NNMT: variants seen among roughly 807,000 people sequenced by gnomAD.
The protein encoded by NNMT is nicotinamide N-methyltransferase.
NNMT carries 10 observed loss-of-function variants against 11.7 expected under a neutral mutation model. The observed-to-expected ratio is 0.85, with a 90% CI of 0.53 to 1.45. The LOEUF (loss-of-function observed/expected upper bound fraction) is 1.45. NNMT is among the 40% of genes most tolerant of loss of function. The pLI, the probability that NNMT is intolerant of heterozygous loss-of-function variation, is 0.00. For missense variants in NNMT, 381 were observed against 319.4 expected (o/e 1.19, Z -1.47); for synonymous variants, 143 against 133.8 (o/e 1.07, Z -0.48).
intron 2 of NNMT, among the ~76,000 whole-genome samples, chr11:114,267,541 AT>A (rs1354603227): frequency 6.6e-6 from 1 of 152,182 alleles, no homozygotes; most frequent in Non-Finnish European, 1.5e-5. Context: ...ATATTTTAAT[AT>A]TTTTAATGAA....
intron 2 of NNMT, among the ~76,000 whole-genome samples, chr11:114,286,659 A>T (rs1476594828): frequency 6.6e-6 from 1 of 152,170 alleles, no homozygotes; most frequent in Non-Finnish European, 1.5e-5. Context: ...GTTCATTTTC[A>T]TTGCTGTACA....
intron 2 of NNMT, among the ~76,000 whole-genome samples, chr11:114,278,611 CATGT>C (rs1177025383): frequency 2.3e-5 from 3 of 128,594 alleles, no homozygotes; most frequent in Middle Eastern, 3.9e-3. Context: ...ACCTAATACT[CATGT>C]GTGTGTGTGT....
upstream of NNMT, among the ~76,000 whole-genome samples, chr11:114,295,371 T>G (rs905218081): frequency 1.3e-5 from 2 of 150,502 alleles, no homozygotes; most frequent in Non-Finnish European, 3.0e-5. Flanking sequence ...CCAAGCCCCA[T>G]CCCTACTCTG....
At chr11:114,303,805 G>T (rs1435080626) in intron 2 of NNMT, among the ~76,000 whole-genome samples, 2 of 152,034 alleles carry the variant, frequency 1.3e-5, no homozygotes, top group East Asian at 3.9e-4. Flanking sequence ...TTGACCTCCT[G>T]GGCTCAGGTG....
chr11:114,303,317 T>A (rs1208552965), intron 2 of NNMT, among the ~76,000 whole-genome samples: 6 of 152,202 alleles, frequency 3.9e-5, no homozygotes, highest in Non-Finnish European at 8.8e-5. Context: ...ATTTAACAAT[T>A]TTTGATAACC....
chr11:114,293,771 A>G (rs147987113), upstream of NNMT, among the ~76,000 whole-genome samples: 4 of 152,196 alleles, frequency 2.6e-5, no homozygotes, highest in African/African-American at 7.2e-5. Context: ...TGACACAGCA[A>G]TCCTATTGCC....
intron 2 of NNMT, among the ~76,000 whole-genome samples, chr11:114,290,606 A>G (rs1945328183): frequency 6.6e-6 from 1 of 152,154 alleles, no homozygotes. Context: ...TTAACCACAC[A>G]AGGCATTATT....
At chr11:114,283,989 A>G (rs1440872210) in intron 2 of NNMT, among the ~76,000 whole-genome samples, 1 of 152,220 alleles carries the variant, frequency 6.6e-6, no homozygotes, top group Admixed American at 6.5e-5. Flanking sequence ...CGTTACAGTA[A>G]TTAGTAGGAA....
chr11:114,283,485 A>G (rs1945276516), intron 2 of NNMT, among the ~76,000 whole-genome samples: 1 of 152,240 alleles, frequency 6.6e-6, no homozygotes, highest in Non-Finnish European at 1.5e-5. Flanking sequence ...ATGGTTGTCT[A>G]TGAAAGGGAA....
At chr11:114,274,896 G>A (rs1253611598) in intron 2 of NNMT, among the ~76,000 whole-genome samples, 8 of 152,190 alleles carry the variant, frequency 5.3e-5, no homozygotes, top group Admixed American at 1.3e-4. Context: ...GGTCTCCTGA[G>A]GTGACCTCTC....
chr11:114,291,574 G>A (rs961480385), upstream of NNMT, among the ~76,000 whole-genome samples: 3 of 152,102 alleles, frequency 2.0e-5, no homozygotes, highest in East Asian at 1.9e-4. Flanking sequence ...CAATCTTGGC[G>A]ATGGTTGTCT....
chr11:114,265,104 C>G (rs1179048207), intron 2 of NNMT, among the ~76,000 whole-genome samples: 1 of 152,202 alleles, frequency 6.6e-6, no homozygotes, highest in African/African-American at 2.4e-5. Flanking sequence ...CTGCCTTGGT[C>G]TTTCCAGCAA....
chr11:114,295,563 T>C (rs1401951483), upstream of NNMT, among the ~76,000 whole-genome samples: 2 of 151,388 alleles, frequency 1.3e-5, no homozygotes, highest in African/African-American at 4.9e-5. Context: ...TAGCTGGGAC[T>C]GCAGGTGCCT....
intron 2 of NNMT, among the ~76,000 whole-genome samples, chr11:114,273,378 C>T (rs1193360338): frequency 6.6e-6 from 1 of 152,160 alleles, no homozygotes; most frequent in African/African-American, 2.4e-5. Flanking sequence ...TTGGAAGCCC[C>T]TTGCCAGAGT....
In NNMT at chr11:114,290,456, G is replaced by A. The variant is rs1048438550; in HGVS notation, c.-129-5972G>A. On this transcript the variant is annotated intron_variant, in intron 2 of 4. Transcript: ENST00000535401. ...TTATTTTGTGGTGTCTAAAATTGGA[G>A]TGTAAGTATTTTATTTTGGATCCCA... is the stretch of plus-strand genomic sequence containing the variant. 2.0e-5 allele frequency among the ~76,000 whole-genome samples: 3 copies of A among 152,190 alleles called. No individual in the cohort carries two copies. The East Asian group carries it at 5.8e-4, about 29-fold the overall frequency.
chr11:114,307,756 G>A (rs1326612544), intron 2 of NNMT, among the ~76,000 whole-genome samples: 2 of 151,858 alleles, frequency 1.3e-5, no homozygotes, highest in African/African-American at 4.8e-5. Flanking sequence ...TTGCACTTGC[G>A]GTTTCCTCTT....
At chr11:114,287,067 C>T (rs1158674899) in intron 2 of NNMT, among the ~76,000 whole-genome samples, 2 of 152,056 alleles carry the variant, frequency 1.3e-5, no homozygotes, top group East Asian at 3.9e-4. Context: ...AGGGTCTGTT[C>T]AAGTTTTTTG....
intron 2 of NNMT, among the ~76,000 whole-genome samples, chr11:114,290,327 C>A (rs943336504): frequency 2.0e-5 from 3 of 152,202 alleles, no homozygotes; most frequent in Admixed American, 6.5e-5. Context: ...CCTTAAAGAG[C>A]TGTTTCTTTT....
chr11:114,275,932 C>G (rs573176316), intron 2 of NNMT, among the ~76,000 whole-genome samples: 1 of 152,076 alleles, frequency 6.6e-6, no homozygotes, highest in South Asian at 2.1e-4. Context: ...AAGCTTGACC[C>G]AGCTGGCCAC....
Sources: gnomAD v4.1 joint callset for allele counts (sites outside exome capture counted in the v4.1 genomes callset) on GRCh38, gnomAD v4.1.1 for gene constraint, MANE v1.5 for transcripts, NCBI Gene and HGNC (gene_info 2026-07-23, HGNC 2026-07-21) for gene names.